The following NHS variants were observed in gnomAD, a reference collection of about 807,000 sequenced individuals.
NHS encodes NHS actin remodeling regulator, also known as actin remodeling regulator NHS.
In NHS, 5 loss-of-function variants were observed where a neutral mutation model predicts 72.5. That is an observed-to-expected ratio of 0.07 (90% confidence interval 0.04 to 0.14). The LOEUF is 0.14. Among genes scored for constraint, NHS ranks in the 10% least tolerant of loss-of-function variants. NHS has a pLI of 1.00. For synonymous variants in NHS, 464 were observed against 547.7 expected (o/e 0.85, Z 2.13); for missense variants, 1,072 against 1,355.7 (o/e 0.79, Z 3.29).
At chrX:17,612,583 A>G (rs1416072917) in intron 1 of NHS, among the ~76,000 whole-genome samples, 1 of 111,578 alleles carries the variant, frequency 9.0e-6, no homozygotes, top group Non-Finnish European at 1.9e-5. Context: ...AACTCATTTA[A>G]TTCTTATAGC....
At chrX:17,433,284 T>C (rs1193732404) in intron 1 of NHS, among the ~76,000 whole-genome samples, 57 of 102,901 alleles carry the variant, frequency 5.5e-4, no homozygotes, top group Admixed American at 5.2e-3. Flanking sequence ...CTCCTGACAT[T>C]GTGATCTGCC....
At chrX:17,392,242 C>T (rs2064448831) in intron 1 of NHS, among the ~76,000 whole-genome samples, 1 of 111,999 alleles carries the variant, frequency 8.9e-6, no homozygotes, top group Non-Finnish European at 1.9e-5. Context: ...ATGGTAGGGC[C>T]ACCGTATGGA....
chrX:17,412,909 A>C (rs2064568480), intron 1 of NHS, among the ~76,000 whole-genome samples: 2 of 112,693 alleles, frequency 1.8e-5, no homozygotes, highest in Admixed American at 9.3e-5. Flanking sequence ...GTGCGAAAGC[A>C]GCCATAGACA....
chrX:17,727,247 C>T lies in NHS; in HGVS notation c.3141C>T (p.Pro1047=), dbSNP rs777688578. ...PTAFFSGPLS[P]GGSKRKPKVP... is the part of the protein sequence containing the mutation. ...CTTTCTTTTCAGGTCCATTGTCTCCCGGAGGTAGCAAAAGAAAACCTAAAG... is the reference window on the plus strand; with the variant it reads ...CTTTCTTTTCAGGTCCATTGTCTCCTGGAGGTAGCAAAAGAAAACCTAAAG... Residue 1047 remains proline (P), a synonymous_variant, in exon 7 of 9, where the codon CCC becomes CCT. Transcript: ENST00000676302. 43 of 1,209,613 alleles carry T rather than the reference C, an allele frequency of 3.6e-5. No individual in the cohort carries two copies. Among genetic ancestry groups the T allele is most frequent in the East Asian group, 3.6e-4 (12 of 33,793 alleles).
intron 1 of NHS, among the ~76,000 whole-genome samples, chrX:17,512,798 T>TA (rs1203361293): frequency 9.0e-6 from 1 of 111,518 alleles, no homozygotes; most frequent in Non-Finnish European, 1.9e-5. Context: ...TAAACCTAGC[T>TA]AAAATTACCT....
At chrX:17,404,157 G>A (rs1336516206) in intron 1 of NHS, among the ~76,000 whole-genome samples, 1 of 112,029 alleles carries the variant, frequency 8.9e-6, no homozygotes, top group East Asian at 2.8e-4. Flanking sequence ...AGTATAAGAC[G>A]GAATAGTATA....
At chrX:17,729,631 G>C (rs1189998439) in intron 8 of NHS, among the ~76,000 whole-genome samples, 1 of 111,926 alleles carries the variant, frequency 8.9e-6, no homozygotes, top group Non-Finnish European at 1.9e-5. Context: ...CTGCCCCCAT[G>C]AGCCCTTGTG....
intron 1 of NHS, among the ~76,000 whole-genome samples, chrX:17,544,702 G>A (rs1158491371): frequency 9.0e-6 from 1 of 111,327 alleles, no homozygotes; most frequent in African/African-American, 3.3e-5. Context: ...TAGTACAGAC[G>A]GAGTTTTGCC....
intron 1 of NHS, among the ~76,000 whole-genome samples, chrX:17,582,005 C>T (rs1285436313): frequency 8.9e-6 from 1 of 111,762 alleles, no homozygotes; most frequent in African/African-American, 3.3e-5. Context: ...AGGGCCCTGC[C>T]TCCACACTCC....
chrX:17,729,915 T>G (rs1264927143), intron 8 of NHS, among the ~76,000 whole-genome samples: 2 of 112,462 alleles, frequency 1.8e-5, no homozygotes, highest in Admixed American at 1.9e-4. Flanking sequence ...CTTTTTCTCC[T>G]GGAATTCTAC....
intron 3 of NHS, among the ~76,000 whole-genome samples, chrX:17,714,109 G>A (rs2066350692): frequency 9.1e-6 from 1 of 110,052 alleles, no homozygotes; most frequent in African/African-American, 3.3e-5. Flanking sequence ...AGTGGTAGAA[G>A]GGCCAGAATA....
chrX:17,451,214 A>G (rs1178618474), intron 1 of NHS, among the ~76,000 whole-genome samples: 1 of 112,280 alleles, frequency 8.9e-6, no homozygotes, highest in Non-Finnish European at 1.9e-5. Context: ...AAAAGCTAAC[A>G]TTACATGTGC....
chrX:17,704,594 G>T lies in NHS; in HGVS notation c.852+12126G>T, dbSNP rs771123737. ...ATTACAGGCGTGAGCCGCCACGCCC[G>T]GCCAAAATTTTTTAAAAGAAAAGCA... On this transcript the variant is annotated intron_variant, in intron 3 of 8. Transcript: ENST00000676302. Among the ~76,000 whole-genome samples, 3 of 111,329 alleles carry T rather than the reference G, an allele frequency of 2.7e-5. No homozygotes were observed. The South Asian group carries it at 1.1e-3, about 42-fold the overall frequency.
At chrX:17,508,073 C>T (rs1257566894) in intron 1 of NHS, among the ~76,000 whole-genome samples, 1 of 111,399 alleles carries the variant, frequency 9.0e-6, no homozygotes. Flanking sequence ...ACAAAATTAA[C>T]CATTCTGGAA....
chrX:17,646,956 A>G (rs1411389338), intron 1 of NHS, among the ~76,000 whole-genome samples: 1 of 112,252 alleles, frequency 8.9e-6, no homozygotes, highest in Admixed American at 9.4e-5. Flanking sequence ...CCTAAGAAGC[A>G]AAATGAACTA....
chrX:17,557,606 C>T (rs892983104), intron 1 of NHS, among the ~76,000 whole-genome samples: 1 of 111,219 alleles, frequency 9.0e-6, no homozygotes, highest in African/African-American at 3.3e-5. Context: ...ATCTCACAGT[C>T]TCTGTGGGCC....
At chrX:17,607,219 C>T (rs976352089) in intron 1 of NHS, among the ~76,000 whole-genome samples, 14 of 111,696 alleles carry the variant, frequency 1.3e-4, no homozygotes, top group Non-Finnish European at 7.5e-5. Context: ...TCCCACTGGT[C>T]AAGCAAGGAA....
chrX:17,564,969 A>ATTTTTTTTTTTTT, intron 1 of NHS, among the ~76,000 whole-genome samples: 1 of 99,944 alleles, frequency 1.0e-5, no homozygotes, highest in African/African-American at 4.6e-5. Context: ...GTACAGCCAC[A>ATTTTTTTTTTTTT]TTTTTTTTTA....
intron 1 of NHS, among the ~76,000 whole-genome samples, chrX:17,444,701 T>C (rs1213514302): frequency 9.0e-6 from 1 of 111,182 alleles, no homozygotes; most frequent in Non-Finnish European, 1.9e-5. Flanking sequence ...CCCTGGGAAT[T>C]TACCCAGCAC....
Sources: gnomAD v4.1 joint callset for allele counts (sites outside exome capture counted in the v4.1 genomes callset) on GRCh38, gnomAD v4.1.1 for gene constraint, MANE v1.5 for transcripts, NCBI Gene and HGNC (gene_info 2026-07-23, HGNC 2026-07-21) for gene names.